The following TDRP variants were observed in gnomAD, a reference collection of about 807,000 sequenced individuals.
The protein encoded by TDRP is testis development related protein, also known as testis development-related protein.
In TDRP, 12 loss-of-function variants were observed where a neutral mutation model predicts 10.5. That is an observed-to-expected ratio of 1.15 (90% CI 0.73 to 1.86). The LOEUF (loss-of-function observed/expected upper bound fraction) is 1.86, where lower values mean the gene tolerates loss of function less well. Ranked by LOEUF, TDRP falls within the 40% of genes most tolerant of loss-of-function variation. The pLI, the probability that TDRP is intolerant of heterozygous loss-of-function variation, is 0.00. For missense variants in TDRP, 353 were observed against 229.2 expected, an observed-to-expected ratio of 1.54 and a Z score of -3.49; for synonymous variants, 139 against 95.4, an observed-to-expected ratio of 1.46 and a Z score of -2.67.
At chr8:533,047 A>G (rs1802248546) in intron 1 of TDRP, among the ~76,000 whole-genome samples, 1 of 152,210 alleles carries the variant, frequency 6.6e-6, no homozygotes, top group African/African-American at 2.4e-5. Flanking sequence ...CAAAATGAGT[A>G]CCAGCGCTGG....
chr8:495,748 C>T (rs751169982), intron 1 of TDRP, among the ~76,000 whole-genome samples: 3 of 152,160 alleles, frequency 2.0e-5, no homozygotes, highest in Non-Finnish European at 2.9e-5. Context: ...GACACTGATC[C>T]GAGACAAGGA....
chr8:530,949 G>T lies in TDRP; in HGVS notation c.108+13701C>A, dbSNP rs73529978. 1.7e-3 allele frequency among the ~76,000 whole-genome samples: 264 copies of T among 152,242 alleles called. 1 individual carries two copies. The highest frequency in any genetic ancestry group is 6.1e-3 in the African/African-American group (254 of 41,546). Reference sequence around the variant, plus strand: ...TGCTGAGTCTCTGATGCTGCAAAAAGCCAGTTAACTCTTTTTTCTCTGAAG... The same window carrying T: ...TGCTGAGTCTCTGATGCTGCAAAAATCCAGTTAACTCTTTTTTCTCTGAAG... On this transcript the variant is annotated intron_variant, in intron 1 of 2. Transcript: ENST00000324079.
At chr8:493,362 A>C (rs1219362620) in intron 2 of TDRP, among the ~76,000 whole-genome samples, 1 of 152,240 alleles carries the variant, frequency 6.6e-6, no homozygotes, top group African/African-American at 2.4e-5. Flanking sequence ...CTGATGTATT[A>C]GCAGGTCGCC....
At position 525,568 on chromosome 8, in the gene TDRP, G is replaced by A. The variant is rs1015777806; in HGVS notation, c.108+19082C>T. ...ATCAGGGGGATGAAGTGGAACTGTA[G>A]AGTTTTTACTAGTTTTTGCTCGTTT... On this transcript the variant is annotated intron_variant, in intron 1 of 2. Transcript: ENST00000324079. Among the ~76,000 whole-genome samples, 4 of 152,234 alleles carry A rather than the reference G, an allele frequency of 2.6e-5. No homozygotes were observed. In the South Asian group the frequency reaches 8.3e-4, roughly 32 times the overall value.
At chr8:497,537 T>C (rs183895379) in intron 1 of TDRP, among the ~76,000 whole-genome samples, 20 of 152,288 alleles carry the variant, frequency 1.3e-4, no homozygotes, top group African/African-American at 3.8e-4. Context: ...TTGGAACTTA[T>C]GTTTAAAAGG....
At position 544,825 on chromosome 8, in the gene TDRP, C is replaced by CG. The variant is rs1802595519; in HGVS notation, c.-69dup. Reference sequence around the variant, plus strand: ...GTGGCTCCGCGTCCCTCCCGGCCGCCGGACGCTCTGCCTGCGGCTCCTGCG... The same window carrying CG: ...GTGGCTCCGCGTCCCTCCCGGCCGCCGGGACGCTCTGCCTGCGGCTCCTGCG... On this transcript the variant is annotated 5_prime_UTR_variant, in exon 1 of 3. Coordinates refer to ENST00000324079, the MANE Select transcript of TDRP (RefSeq NM_001384899.1). 8.8e-7 allele frequency: 1 copy of CG among 1,130,182 alleles called. No homozygotes were observed. Among genetic ancestry groups the CG allele is most frequent in the Admixed American group, 4.3e-5 (1 of 23,056 alleles). 70.0% of individuals were successfully genotyped at this position (1,130,182 alleles called of 1,614,324 possible). A position where few individuals can be genotyped will look rare whatever the true frequency, so the allele number is the denominator to read the frequency against.
chr8:490,600 A>G lies in TDRP; in HGVS notation c.*1799T>C, dbSNP rs1242642275. On this transcript the variant is annotated 3_prime_UTR_variant, in exon 3 of 3. Coordinates refer to ENST00000324079, the MANE Select transcript of TDRP (RefSeq NM_001384899.1). Reference sequence around the variant, plus strand: ...ACAAACCTACACTGACTTCCGCTGGAAAGTATTTGCAGAAGTCATGAAATG... The same window carrying G: ...ACAAACCTACACTGACTTCCGCTGGGAAGTATTTGCAGAAGTCATGAAATG... 6.6e-6 allele frequency: 1 copy of G among 152,254 alleles called. No homozygotes were observed. Among genetic ancestry groups the G allele is most frequent in the South Asian group, 2.1e-4 (1 of 4,836 alleles). 9.4% of individuals were successfully genotyped at this position (152,254 alleles called of 1,614,324 possible).
Position 492,458 on chromosome 8 carries a change from C to G in TDRP, c.499G>C (p.Val167Leu), listed in dbSNP as rs771052230. ...RWSLRAAGRL[V>L]SIRRQSKGHL... ...CCTTTACTCTGCCGTCGGATGCTCA[C>G]CAGCCTCCCTGCCGCGCGCAGGCTC... is the stretch of plus-strand genomic sequence containing the variant. The change falls in exon 3 of 3, where the codon GTG becomes CTG. Residue 167 changes from valine (V) to leucine (L), a missense_variant. By Grantham distance (32) the Val-to-Leu change is conservative (BLOSUM62 1). Coordinates refer to ENST00000324079, the MANE Select transcript of TDRP (RefSeq NM_001384899.1). The G allele has an allele frequency of 1.9e-6, 3 of 1,600,818 alleles. No homozygotes were observed. The highest frequency in any genetic ancestry group is 1.7e-5 in the Admixed American group (1 of 59,334).
intron 1 of TDRP, among the ~76,000 whole-genome samples, chr8:543,697 T>C (rs1296864472): frequency 1.3e-5 from 2 of 152,014 alleles, no homozygotes; most frequent in East Asian, 3.9e-4. Flanking sequence ...TCATAGAAAA[T>C]CTCTATCAAG....
chr8:520,357 A>G (rs539483534), intron 1 of TDRP, among the ~76,000 whole-genome samples: 4 of 152,174 alleles, frequency 2.6e-5, no homozygotes, highest in Non-Finnish European at 5.9e-5. Flanking sequence ...TAATCCATCC[A>G]CAGACATGGA....
At chr8:492,789 G>A (rs562724137) in intron 2 of TDRP, 45 bp from the exon 3 acceptor site, 3 of 1,396,840 alleles carry the variant, frequency 2.1e-6, no homozygotes, top group South Asian at 1.5e-5. Context: ...CAGGTCTTAG[G>A]GCCTCAAGCT....
chr8:524,921 T>C (rs1801998993), intron 1 of TDRP, among the ~76,000 whole-genome samples: 1 of 152,150 alleles, frequency 6.6e-6, no homozygotes, highest in Non-Finnish European at 1.5e-5. Context: ...AACAGAGAAC[T>C]TCTCAATCCT....
chr8:544,838 T>C (rs950966977), upstream of TDRP: 21 of 1,029,990 alleles, frequency 2.0e-5, no homozygotes, highest in African/African-American at 3.2e-4. Flanking sequence ...ACGCTCTGCC[T>C]GCGGCTCCTG....
At chr8:492,781 G>C in intron 2 of TDRP, 37 bp from the exon 3 acceptor site, 4 of 1,462,062 alleles carry the variant, frequency 2.7e-6, no homozygotes, top group Non-Finnish European at 3.7e-6. Context: ...TGGTGACCCA[G>C]GTCTTAGGGC....
chr8:528,845 A>ATG (rs1469340777), intron 1 of TDRP, among the ~76,000 whole-genome samples: 1 of 148,598 alleles, frequency 6.7e-6, no homozygotes, highest in Non-Finnish European at 1.5e-5. Flanking sequence ...GTGTGTGTAT[A>ATG]TATGTGTGTG....
At chr8:521,332 G>T (rs1283091294) in intron 1 of TDRP, among the ~76,000 whole-genome samples, 1 of 151,920 alleles carries the variant, frequency 6.6e-6, no homozygotes, top group Non-Finnish European at 1.5e-5. Context: ...CAGGAGAATG[G>T]CGTGAACCCG....
In TDRP at chr8:544,694, G is replaced by A. The variant is rs1393739796; in HGVS notation, c.64C>T (p.Arg22Cys). 5.6e-6 allele frequency: 7 copies of A among 1,245,538 alleles called. No individual in the cohort carries two copies. Among genetic ancestry groups the A allele is most frequent in the African/African-American group, 1.6e-5 (1 of 64,454 alleles). The allele number at this position is 1,245,538 out of a possible 1,614,324, so 77.2% of individuals were successfully genotyped here. Reference protein sequence around the residue: ...DEPPEEEDGLRGGPPPAAAAA... With the variant: ...DEPPEEEDGLCGGPPPAAAAA... ...GCGGCGGCCGGTGGCGGCCCCCCAC[G>A]CAGGCCGTCCTCCTCCTCGGGGGGC... The change falls in exon 1 of 3, where the codon CGT (arginine) becomes TGT (cysteine). Residue 22 changes from arginine (R) to cysteine (C), a missense_variant. Coordinates refer to ENST00000324079, the MANE Select transcript of TDRP (RefSeq NM_001384899.1).
intron 1 of TDRP, among the ~76,000 whole-genome samples, chr8:530,953 G>C (rs1047815963): frequency 1.3e-5 from 2 of 152,152 alleles, no homozygotes; most frequent in Admixed American, 6.5e-5. Context: ...CAAAAAGCCA[G>C]TTAACTCTTT....
chr8:497,160 G>C (rs778892580), intron 1 of TDRP, among the ~76,000 whole-genome samples: 25 of 152,198 alleles, frequency 1.6e-4, no homozygotes, highest in Non-Finnish European at 3.4e-4. Flanking sequence ...GCAGAGGCTG[G>C]AATAGTCTGG....
Sources: gnomAD v4.1 joint callset for allele counts (sites outside exome capture counted in the v4.1 genomes callset) on GRCh38, gnomAD v4.1.1 for gene constraint, MANE v1.5 for transcripts, NCBI Gene and HGNC (gene_info 2026-07-23, HGNC 2026-07-21) for gene names.